Variants in TSPAN15 observed in about 807,000 individuals in gnomAD.
The protein encoded by TSPAN15 is tetraspanin-15.
TSPAN15 carries 20 observed loss-of-function variants against 34.5 expected under a neutral mutation model. The ratio of observed to expected loss-of-function variants is 0.58; its 90% CI spans 0.41 to 0.84. The LOEUF (loss-of-function observed/expected upper bound fraction) is 0.84, where lower values mean the gene tolerates loss of function less well. Ranked by LOEUF, TSPAN15 falls within the 40% of genes least tolerant of loss-of-function variation. The probability of loss-of-function intolerance (pLI) is 0.00; values close to 1 mark genes in which losing one functional copy is unlikely to be tolerated. For missense variants in TSPAN15, 313 were observed against 386.1 expected, an observed-to-expected ratio of 0.81 and a Z score of 1.59; for synonymous variants, 155 against 153.9, an observed-to-expected ratio of 1.01 and a Z score of -0.05.
chr10:69,461,374 T>G, intron 1 of TSPAN15, among the ~76,000 whole-genome samples: 1 of 152,202 alleles, frequency 6.6e-6, no homozygotes, highest in East Asian at 1.9e-4. Context: ...AGTATTTCAC[T>G]GGAGGGTGGA....
rs753603653 is a variant in TSPAN15, at chr10:69,495,695, C to T, written c.453+6C>T. 6.2e-7 allele frequency: 1 copy of T among 1,609,976 alleles called. No homozygotes were observed. Among genetic ancestry groups the T allele is most frequent in the African/African-American group, 1.3e-5 (1 of 74,814 alleles). ...TGGACTTTGTTCAGAAAAAGGTGAG[C>T]CAGGCGCTTTGGGGTAGAGATGCGC... is the stretch of plus-strand genomic sequence containing the variant. On this transcript the variant is annotated splice_donor_region_variant and intron_variant, in intron 4 of 7. Coordinates refer to ENST00000373290, the MANE Select transcript of TSPAN15 (RefSeq NM_012339.5).
chr10:69,514,298 A>G, the TSPAN15 span, among the ~76,000 whole-genome samples: 1 of 152,146 alleles, frequency 6.6e-6, no homozygotes, highest in African/African-American at 2.4e-5. Context: ...GGATTTTTGC[A>G]CCTTTGTTTA....
the TSPAN15 span, among the ~76,000 whole-genome samples, chr10:69,539,459 AGAAGG>A: frequency 2.3e-5 from 1 of 43,972 alleles, no homozygotes; most frequent in Non-Finnish European, 4.2e-5. Flanking sequence ...AAGAAGAAGA[AGAAGG>A]AGAAGGAGAA....
chr10:69,530,820 C>CTA, the TSPAN15 span, among the ~76,000 whole-genome samples: 198 of 30,758 alleles, frequency 6.4e-3, 7 homozygotes, highest in Non-Finnish European at 7.3e-3. Flanking sequence ...CTCTCTCTCT[C>CTA]TATATATATA....
At chr10:69,546,575 G>A in the TSPAN15 span, among the ~76,000 whole-genome samples, 12 of 152,082 alleles carry the variant, frequency 7.9e-5, no homozygotes, top group Admixed American at 5.9e-4. Context: ...AAACTCTTGG[G>A]TTCTCATTGA....
the TSPAN15 span, among the ~76,000 whole-genome samples, chr10:69,546,740 C>T: frequency 3.3e-5 from 5 of 152,218 alleles, no homozygotes; most frequent in Non-Finnish European, 7.3e-5. Context: ...TCTCCATCAT[C>T]TCATACTTTG....
chr10:69,546,065 T>G, the TSPAN15 span, among the ~76,000 whole-genome samples: 3 of 152,366 alleles, frequency 2.0e-5, no homozygotes, highest in South Asian at 6.2e-4. Flanking sequence ...ATTTCCTTGC[T>G]ATCTACCCAT....
chr10:69,543,151 C>T, the TSPAN15 span, among the ~76,000 whole-genome samples: 5 of 152,178 alleles, frequency 3.3e-5, no homozygotes, highest in African/African-American at 7.2e-5. Flanking sequence ...ATACTAGAAA[C>T]CCCGAGAGCC....
At chr10:69,455,038 C>A (rs141195954) in intron 1 of TSPAN15, among the ~76,000 whole-genome samples, 2 of 150,724 alleles carry the variant, frequency 1.3e-5, no homozygotes, top group East Asian at 3.9e-4. Flanking sequence ...TGGCGTGTGC[C>A]TGTAGTTTCA....
In TSPAN15 at chr10:69,485,179, C is replaced by T. The variant is rs754050345; in HGVS notation, c.321C>T (p.Leu107=). 5.0e-6 allele frequency: 8 copies of T among 1,614,034 alleles called. No individual in the cohort carries two copies. The African/African-American group carries it at 9.3e-5, about 19-fold the overall frequency. The change falls in exon 3 of 8, where the codon CTC becomes CTT. Residue 107 remains leucine (L), a synonymous_variant. Transcript: ENST00000373290. The part of the protein sequence containing the change: ...YILGICLIME[L]IGGVVALTFR... ...TTGGGATCTGCCTCATCATGGAGCT[C>T]ATTGGTGGCGTGGTGGCCTTGACCT...
At chr10:69,549,356 G>A in the TSPAN15 span, among the ~76,000 whole-genome samples, 1 of 152,184 alleles carries the variant, frequency 6.6e-6, no homozygotes, top group East Asian at 1.9e-4. Context: ...CTGAGGAGTT[G>A]AATTCAACTG....
At chr10:69,473,777 T>C (rs1295103582) in intron 1 of TSPAN15, among the ~76,000 whole-genome samples, 1 of 152,122 alleles carries the variant, frequency 6.6e-6, no homozygotes, top group African/African-American at 2.4e-5. Flanking sequence ...CATGAGCCCT[T>C]GGACTGGGGC....
At chr10:69,481,900 C>A (rs998082095) in intron 1 of TSPAN15, among the ~76,000 whole-genome samples, 5 of 152,180 alleles carry the variant, frequency 3.3e-5, no homozygotes, top group African/African-American at 1.2e-4. Context: ...CAGTGCCTGA[C>A]TTGAACTCAG....
chr10:69,524,180 C>A, the TSPAN15 span, among the ~76,000 whole-genome samples: 1 of 147,746 alleles, frequency 6.8e-6, no homozygotes, highest in East Asian at 2.5e-4. Context: ...ATCCATAGAT[C>A]AAATCCAGCT....
rs57541622 is a variant in TSPAN15 at position 69,475,018 on chromosome 10, C to T, written c.97-8673C>T. Among the ~76,000 whole-genome samples the T allele has an allele frequency of 2.1e-3, 316 of 152,278 alleles. 1 individual carries two copies. The highest frequency in any genetic ancestry group is 7.3e-3 in the African/African-American group (304 of 41,558). On this transcript the variant is annotated intron_variant, in intron 1 of 7. Transcript: ENST00000373290. Reference sequence around the variant, plus strand: ...ATCACCAGACACCATTACCCATGTACGCTGGGGACACAGCCTTGGGAGGCA... The same window carrying T: ...ATCACCAGACACCATTACCCATGTATGCTGGGGACACAGCCTTGGGAGGCA...
downstream of TSPAN15, among the ~76,000 whole-genome samples, chr10:69,509,633 G>T (rs1486924146): frequency 1.3e-5 from 2 of 152,070 alleles, no homozygotes; most frequent in African/African-American, 4.8e-5. Context: ...ATTGCTTTTG[G>T]TGTTTTAGTC....
chr10:69,498,438 C>T (rs1320190106), intron 5 of TSPAN15, 42 bp downstream of exon 5: 2 of 1,519,428 alleles, frequency 1.3e-6, no homozygotes, highest in Non-Finnish European at 1.8e-6. Context: ...TGTCGGGGAC[C>T]CCAGGTGGTA....
At chr10:69,477,198 A>G (rs754544623) in intron 1 of TSPAN15, among the ~76,000 whole-genome samples, 10 of 152,004 alleles carry the variant, frequency 6.6e-5, no homozygotes, top group Non-Finnish European at 1.0e-4. Flanking sequence ...ACAGTGGCAC[A>G]ATCTTGGCTC....
chr10:69,536,326 A>G, the TSPAN15 span, among the ~76,000 whole-genome samples: 2 of 152,186 alleles, frequency 1.3e-5, no homozygotes, highest in African/African-American at 2.4e-5. Flanking sequence ...ACACATGCTC[A>G]TTGACCATTC....
Sources: allele counts gnomAD v4.1 joint callset (sites outside exome capture counted in the v4.1 genomes callset), GRCh38; gene constraint gnomAD v4.1.1; transcripts MANE v1.5; gene names NCBI Gene and HGNC (gene_info 2026-07-23, HGNC 2026-07-21).